The following KIF5C variants were observed in gnomAD, a reference collection of about 807,000 sequenced individuals.
KIF5C encodes the protein kinesin heavy chain isoform 5C.
Under a neutral mutation model 125.2 loss-of-function variants are expected in KIF5C, and 18 were observed. The observed-to-expected ratio is 0.14, with a 90% CI of 0.10 to 0.21. The LOEUF (loss-of-function observed/expected upper bound fraction) is 0.21. Ranked by LOEUF, KIF5C falls within the 10% of genes least tolerant of loss-of-function variation. KIF5C has a pLI of 1.00. For missense variants in KIF5C, 780 were observed against 1,183.8 expected, an observed-to-expected ratio of 0.66 and a Z score of 5.01; for synonymous variants, 405 against 434.0, an observed-to-expected ratio of 0.93 and a Z score of 0.83.
intron 14 of KIF5C, among the ~76,000 whole-genome samples, chr2:148,982,918 T>C (rs1263478706): frequency 6.6e-6 from 1 of 152,258 alleles, no homozygotes; most frequent in African/African-American, 2.4e-5. Context: ...GTTTTACTGA[T>C]GTTAAACGTT....
chr2:148,923,229 T>TATTTGAA (rs1681859610), intron 2 of KIF5C, among the ~76,000 whole-genome samples: 1 of 152,228 alleles, frequency 6.6e-6, no homozygotes, highest in Admixed American at 6.5e-5. Context: ...CTAACCTAAG[T>TATTTGAA]ATTTGAAATT....
chr2:148,948,575 T>C (rs1369931083), intron 8 of KIF5C, among the ~76,000 whole-genome samples: 2 of 152,204 alleles, frequency 1.3e-5, no homozygotes, highest in Non-Finnish European at 2.9e-5. Context: ...CTTCACGTAG[T>C]TTCTTTTGCT....
chr2:149,011,592 C>T lies in KIF5C; in HGVS notation c.2790C>T (p.His930=). 7 of 1,614,082 alleles carry T rather than the reference C, an allele frequency of 4.3e-6. No individual in the cohort carries two copies. Among genetic ancestry groups the T allele is most frequent in the Non-Finnish European group, 5.1e-6 (6 of 1,179,902 alleles). Residue 930 remains histidine, a synonymous_variant, in exon 25 of 26, where the codon CAC becomes CAT. Transcript: ENST00000435030. ...CAGCCAAGCCCATCCGCCCCGGACA[C>T]TACCCGGCCTCATCTCCAACGGCCG... ...AQIAKPIRPG[H]YPASSPTAVH...
intron 10 of KIF5C, among the ~76,000 whole-genome samples, chr2:148,950,777 C>T (rs1682639003): frequency 6.6e-6 from 1 of 151,422 alleles, no homozygotes; most frequent in South Asian, 2.1e-4. Flanking sequence ...CCACTGCACT[C>T]CAGCCTGGGC....
Position 148,897,901 on chromosome 2 carries a change from AGAGT to A in KIF5C, c.126+22159_126+22162del, listed in dbSNP as rs1032526943. ...GCCACTGTACTCCAGCCTGGCTGACAGAGTAAGACTCAGTCTCAAAAAAAAAAAA... is the reference window on the plus strand; with the variant it reads ...GCCACTGTACTCCAGCCTGGCTGACAAAGACTCAGTCTCAAAAAAAAAAAA... On this transcript the variant is annotated intron_variant, in intron 1 of 25. Transcript: ENST00000435030. Among the ~76,000 whole-genome samples, 16 of 127,920 alleles carry A rather than the reference AGAGT, an allele frequency of 1.3e-4. No individual in the cohort carries two copies. In the East Asian group the frequency reaches 2.7e-3, roughly 22 times the overall value. 83.9% of individuals were successfully genotyped at this position (127,920 alleles called of 152,430 possible). A position where few individuals can be genotyped will look rare whatever the true frequency, so the allele number is the denominator to read the frequency against.
At chr2:148,954,039 C>G (rs1031079318) in intron 10 of KIF5C, among the ~76,000 whole-genome samples, 2 of 148,792 alleles carry the variant, frequency 1.3e-5, no homozygotes, top group East Asian at 2.0e-4. Context: ...TAGCCCCCCA[C>G]CCCCCGACAG....
intron 16 of KIF5C, among the ~76,000 whole-genome samples, chr2:148,991,416 A>T (rs569418899): frequency 1.3e-5 from 2 of 152,246 alleles, no homozygotes; most frequent in East Asian, 3.9e-4. Flanking sequence ...TTTTTCGAGG[A>T]TATATCTATC....
chr2:148,907,619 TC>T (rs1195690029), intron 1 of KIF5C, among the ~76,000 whole-genome samples: 1 of 152,224 alleles, frequency 6.6e-6, no homozygotes, highest in African/African-American at 2.4e-5. Context: ...AGCATATGGC[TC>T]CAAGCCTAGT....
chr2:148,880,197 C>T (rs148124711), intron 1 of KIF5C, among the ~76,000 whole-genome samples: 2,643 of 151,954 alleles, frequency 0.017, 40 homozygotes, highest in Non-Finnish European at 0.026. Flanking sequence ...CCTGGCTTAT[C>T]GCAACCTCTG....
At chr2:148,989,249 C>G (rs1681460286) in intron 15 of KIF5C, among the ~76,000 whole-genome samples, 2 of 152,188 alleles carry the variant, frequency 1.3e-5, no homozygotes, top group South Asian at 4.2e-4. Context: ...TAATACTTCA[C>G]TTAGAATAAT....
intron 15 of KIF5C, among the ~76,000 whole-genome samples, chr2:148,989,901 A>G (rs1479271481): frequency 6.6e-6 from 1 of 152,156 alleles, no homozygotes; most frequent in Non-Finnish European, 1.5e-5. Flanking sequence ...TAGCCCTCAA[A>G]TGTTTACTGA....
intron 23 of KIF5C, among the ~76,000 whole-genome samples, chr2:149,009,933 T>C (rs1237244467): frequency 1.3e-5 from 2 of 152,200 alleles, no homozygotes; most frequent in East Asian, 3.9e-4. Context: ...CACCCCACCG[T>C]TCCTTGCACC....
intron 4 of KIF5C, 36 bp downstream of exon 4, chr2:148,937,424 G>T: frequency 6.5e-7 from 1 of 1,549,306 alleles, no homozygotes; most frequent in Non-Finnish European, 8.7e-7. Flanking sequence ...AGAAGACACT[G>T]GGCCCCAGAT....
intron 1 of KIF5C, among the ~76,000 whole-genome samples, chr2:148,894,623 A>T (rs1262167742): frequency 6.6e-6 from 1 of 152,034 alleles, no homozygotes; most frequent in Admixed American, 6.6e-5. Context: ...TTATTATTAC[A>T]ACCCTGTAGC....
In KIF5C at chr2:149,005,519, G is replaced by T. The variant is rs1019653320; in HGVS notation, c.2445+55G>T. ...GAAGAAAATCAAAGATGGCAGGGAA[G>T]AATCATTTTCAGTTGAAATATCACT... On this transcript the variant is annotated intron_variant, in intron 22 of 25. Coordinates refer to ENST00000435030, the MANE Select transcript of KIF5C (RefSeq NM_004522.3). 1.9e-5 allele frequency: 31 copies of T among 1,595,588 alleles called. No homozygotes were observed. In the African/African-American group the frequency reaches 3.9e-4, roughly 20 times the overall value.
chr2:148,950,525 A>G (rs1426863435), intron 10 of KIF5C, 63 bp downstream of exon 10: 2 of 1,543,722 alleles, frequency 1.3e-6, no homozygotes, highest in Non-Finnish European at 1.8e-6. Flanking sequence ...AGTGAATGGC[A>G]AGGCTGGGTG....
chr2:148,969,072 C>T (rs1680825007), intron 11 of KIF5C, among the ~76,000 whole-genome samples: 2 of 152,096 alleles, frequency 1.3e-5, no homozygotes, highest in Non-Finnish European at 2.9e-5. Flanking sequence ...GGATAACTAG[C>T]TTGTTGCTAT....
intron 14 of KIF5C, 65 bp downstream of exon 14, chr2:148,981,626 T>C (rs1558930864): frequency 1.5e-5 from 23 of 1,495,210 alleles, no homozygotes; most frequent in Non-Finnish European, 2.0e-5. Context: ...CATATTGATA[T>C]TCATTGACAG....
chr2:148,974,507 A>G (rs2105148414), intron 12 of KIF5C, among the ~76,000 whole-genome samples: 1 of 152,340 alleles, frequency 6.6e-6, no homozygotes, highest in Admixed American at 6.5e-5. Context: ...AGCTTGCACT[A>G]TAACCAAAGC....
Sources: gnomAD v4.1 joint callset for allele counts (sites outside exome capture counted in the v4.1 genomes callset) on GRCh38, gnomAD v4.1.1 for gene constraint, MANE v1.5 for transcripts, NCBI Gene and HGNC (gene_info 2026-07-23, HGNC 2026-07-21) for gene names.